Variants in PDE4D observed in about 807,000 individuals in gnomAD.
The protein encoded by PDE4D is phosphodiesterase 4D, also known as 3',5'-cyclic-AMP phosphodiesterase 4D.
PDE4D carries 24 observed loss-of-function variants against 87.4 expected under a neutral mutation model. The observed-to-expected ratio is 0.27, with a 90% CI of 0.20 to 0.39. The LOEUF (loss-of-function observed/expected upper bound fraction) is 0.39, where lower values mean the gene tolerates loss of function less well. Among genes scored for constraint, PDE4D ranks in the 10% least tolerant of loss-of-function variants. The pLI is 1.00. For synonymous variants in PDE4D, 384 were observed against 383.2 expected, an observed-to-expected ratio of 1.00 and a Z score of -0.02; for missense variants, 714 against 1,041.0, an observed-to-expected ratio of 0.69 and a Z score of 4.32.
intron 1 of PDE4D, among the ~76,000 whole-genome samples, chr5:60,431,405 C>G (rs558279305): frequency 6.6e-6 from 1 of 151,088 alleles, no homozygotes; most frequent in Non-Finnish European, 1.5e-5. Flanking sequence ...GGTTCGCGGC[C>G]GGGTAGAGGC....
chr5:59,892,556 A>C (rs111300157), intron 1 of PDE4D, among the ~76,000 whole-genome samples: 5 of 94,524 alleles, frequency 5.3e-5, no homozygotes, highest in Admixed American at 1.7e-4. Context: ...AAACTCTCCA[A>C]GTCACCCACG....
chr5:60,520,985 A>G (rs2150266736), intron 1 of PDE4D: 1 of 152,604 alleles, frequency 6.6e-6, no homozygotes. Context: ...CTTCTTCTAA[A>G]CAGCACTAAT....
intron 1 of PDE4D, among the ~76,000 whole-genome samples, chr5:60,412,015 T>G (rs1391568623): frequency 1.3e-5 from 2 of 152,212 alleles, no homozygotes; most frequent in African/African-American, 4.8e-5. Flanking sequence ...AGTACAATTC[T>G]TAGAGTAACT....
intron 1 of PDE4D, among the ~76,000 whole-genome samples, chr5:59,496,826 G>T (rs1014623877): frequency 1.3e-5 from 2 of 152,150 alleles, no homozygotes; most frequent in Non-Finnish European, 2.9e-5. Context: ...AACCGAGAGA[G>T]TGTGGGCTGA....
intron 2 of PDE4D, among the ~76,000 whole-genome samples, chr5:60,175,832 A>C (rs1398484560): frequency 6.6e-6 from 1 of 152,112 alleles, no homozygotes; most frequent in Non-Finnish European, 1.5e-5. Context: ...TGCTCCTGCA[A>C]CTTTCTCCAA....
chr5:59,370,057 C>CA (rs1305647050), intron 1 of PDE4D, among the ~76,000 whole-genome samples: 11 of 152,164 alleles, frequency 7.2e-5, no homozygotes, highest in Non-Finnish European at 2.9e-5. Flanking sequence ...GCTCTGGTTT[C>CA]AAAACATTGC....
At chr5:59,340,085 G>A (rs1778449807) in intron 1 of PDE4D, among the ~76,000 whole-genome samples, 1 of 152,032 alleles carries the variant, frequency 6.6e-6, no homozygotes, top group African/African-American at 2.4e-5. Context: ...CTCTCTTGAT[G>A]AGCACTTTTG....
intron 1 of PDE4D, among the ~76,000 whole-genome samples, chr5:60,273,559 C>A (rs1256797899): frequency 6.6e-6 from 1 of 152,090 alleles, no homozygotes; most frequent in East Asian, 1.9e-4. Context: ...GACAGACAGA[C>A]TAAAGGCAGG....
At chr5:59,818,638 G>A (rs1295922980) in intron 1 of PDE4D, among the ~76,000 whole-genome samples, 1 of 152,192 alleles carries the variant, frequency 6.6e-6, no homozygotes, top group East Asian at 1.9e-4. Flanking sequence ...AAGCTCACGT[G>A]TTGTGAACTG....
intron 1 of PDE4D, among the ~76,000 whole-genome samples, chr5:60,469,070 C>T (rs752155843): frequency 6.6e-6 from 1 of 152,222 alleles, no homozygotes; most frequent in Middle Eastern, 3.4e-3. Context: ...AAGGGAATAG[C>T]ACACATTTAT....
intron 3 of PDE4D, among the ~76,000 whole-genome samples, chr5:59,933,256 TCTAAA>T (rs1756175281): frequency 6.6e-6 from 1 of 152,232 alleles, no homozygotes; most frequent in African/African-American, 2.4e-5. Flanking sequence ...TTGATATGTC[TCTAAA>T]CTAATGTGTC....
chr5:60,316,369 C>A (rs1349469357), intron 1 of PDE4D, among the ~76,000 whole-genome samples: 1 of 152,122 alleles, frequency 6.6e-6, no homozygotes, highest in African/African-American at 2.4e-5. Context: ...TGCCTATCAG[C>A]TTAAGGAGAT....
At chr5:60,331,115 C>A (rs1277892292) in intron 1 of PDE4D, among the ~76,000 whole-genome samples, 1 of 152,178 alleles carries the variant, frequency 6.6e-6, no homozygotes, top group East Asian at 1.9e-4. Context: ...CTGGAAAGAA[C>A]TGGGAAATTA....
At chr5:58,985,543 T>C (rs1746212726) in intron 11 of PDE4D, among the ~76,000 whole-genome samples, 1 of 152,208 alleles carries the variant, frequency 6.6e-6, no homozygotes, top group Non-Finnish European at 1.5e-5. Flanking sequence ...CCATGTGCCT[T>C]AAGCTCTCAG....
At chr5:60,203,295 A>C (rs1407334774) in intron 1 of PDE4D, among the ~76,000 whole-genome samples, 1 of 152,196 alleles carries the variant, frequency 6.6e-6, no homozygotes, top group Non-Finnish European at 1.5e-5. Flanking sequence ...AATACTTAAC[A>C]ATAGCAGATT....
chr5:59,850,582 A>C (rs1186042189), intron 1 of PDE4D, among the ~76,000 whole-genome samples: 1 of 152,052 alleles, frequency 6.6e-6, no homozygotes, highest in Non-Finnish European at 1.5e-5. Flanking sequence ...TTTTGGGGAA[A>C]CATTAAGAGG....
chr5:59,794,106 T>C (rs1343170348), intron 1 of PDE4D, among the ~76,000 whole-genome samples: 3 of 144,980 alleles, frequency 2.1e-5, no homozygotes, highest in Non-Finnish European at 4.5e-5. Context: ...CACACAGACA[T>C]GGACAGATAC....
intron 1 of PDE4D, among the ~76,000 whole-genome samples, chr5:59,572,791 A>C (rs1351505686): frequency 6.6e-6 from 1 of 152,166 alleles, no homozygotes; most frequent in African/African-American, 2.4e-5. Flanking sequence ...CTTTCTTTTA[A>C]TTATAAACTA....
chr5:59,141,943 G>C (rs1777959535), intron 5 of PDE4D, among the ~76,000 whole-genome samples: 1 of 152,114 alleles, frequency 6.6e-6, no homozygotes, highest in Non-Finnish European at 1.5e-5. Context: ...CATGGGATGT[G>C]GTTAACTTGT....
Sources: allele counts gnomAD v4.1 joint callset (sites outside exome capture counted in the v4.1 genomes callset), GRCh38; gene constraint gnomAD v4.1.1; transcripts MANE v1.5; gene names NCBI Gene and HGNC (gene_info 2026-07-23, HGNC 2026-07-21).